The following PRKN variants were observed in gnomAD, a reference collection of about 807,000 sequenced individuals.
PRKN encodes parkin RBR E3 ubiquitin protein ligase, also known as E3 ubiquitin-protein ligase parkin.
PRKN carries 56 observed loss-of-function variants against 59.5 expected under a neutral mutation model. The ratio of observed to expected loss-of-function variants is 0.94; its 90% CI spans 0.76 to 1.18. PRKN has a LOEUF of 1.18. PRKN is among the 50% of genes most tolerant of loss of function. PRKN has a pLI of 0.00. For missense variants in PRKN, 657 were observed against 596.4 expected, an observed-to-expected ratio of 1.10 and a Z score of -1.06; for synonymous variants, 250 against 222.1, an observed-to-expected ratio of 1.13 and a Z score of -1.12.
At chr6:162,121,116 CA>C (rs1384061144) in intron 4 of PRKN, among the ~76,000 whole-genome samples, 2 of 152,158 alleles carry the variant, frequency 1.3e-5, no homozygotes, top group Non-Finnish European at 2.9e-5. Flanking sequence ...ATAGCACCTG[CA>C]CTTTTCTCTG....
At chr6:162,547,485 T>A (rs761269803) in intron 1 of PRKN, among the ~76,000 whole-genome samples, 1 of 152,198 alleles carries the variant, frequency 6.6e-6, no homozygotes, top group Non-Finnish European at 1.5e-5. Flanking sequence ...AACCCGTCGA[T>A]TGAAGTAGGC....
At chr6:161,863,478 T>G (rs545818998) in intron 6 of PRKN, among the ~76,000 whole-genome samples, 2 of 152,332 alleles carry the variant, frequency 1.3e-5, no homozygotes, top group African/African-American at 4.8e-5. Flanking sequence ...CTTATTCCTG[T>G]GTGTGTACTG....
intron 3 of PRKN, among the ~76,000 whole-genome samples, chr6:162,211,418 T>C (rs1785192325): frequency 6.6e-6 from 1 of 152,204 alleles, no homozygotes; most frequent in South Asian, 2.1e-4. Context: ...AAATTGAATG[T>C]TATCCCAAGA....
intron 9 of PRKN, among the ~76,000 whole-genome samples, chr6:161,432,700 T>G (rs1286235101): frequency 6.6e-6 from 1 of 151,972 alleles, no homozygotes; most frequent in Non-Finnish European, 1.5e-5. Context: ...TAGCTATTGG[T>G]GTGAAGACTG....
rs138130394 is a variant in PRKN at position 162,420,472 on chromosome 6, C to T, written c.171+22838G>A. Among the ~76,000 whole-genome samples, 307 of 152,212 alleles carry T rather than the reference C, an allele frequency of 2.0e-3. 1 individual carries two copies. The highest frequency in any genetic ancestry group is 7.1e-3 in the African/African-American group (294 of 41,522). On this transcript the variant is annotated intron_variant, in intron 2 of 11. Coordinates refer to ENST00000366898, the MANE Select transcript of PRKN (RefSeq NM_004562.3). Reference sequence around the variant, plus strand: ...TGCATAACAGTGCCCTGGAGAGCTGCTAACAGTGCAGATTGCCTGCATCCA... The same window carrying T: ...TGCATAACAGTGCCCTGGAGAGCTGTTAACAGTGCAGATTGCCTGCATCCA...
At chr6:162,179,695 C>A (rs1783703868) in intron 4 of PRKN, among the ~76,000 whole-genome samples, 1 of 152,078 alleles carries the variant, frequency 6.6e-6, no homozygotes, top group Non-Finnish European at 1.5e-5. Context: ...CAACAACAAC[C>A]AAGAAAAGAA....
At chr6:162,049,864 C>T (rs2023048) in intron 5 of PRKN, among the ~76,000 whole-genome samples, 130,815 of 152,148 alleles carry the variant, frequency 0.86, 56,310 homozygotes, top group Admixed American at 0.9. Flanking sequence ...ACTGGTGGTA[C>T]GAATCGGACG....
rs564228284 is a variant in PRKN, at chr6:162,599,513, A to G, written c.7+128149T>C. ...AACAGAAAAAATAACAACAACAACA[A>G]CAACAACAAAAAGCAGTCTCAACCA... On this transcript the variant is annotated intron_variant, in intron 1 of 11. Transcript: ENST00000366898. Among the ~76,000 whole-genome samples, 301 of 152,218 alleles carry G rather than the reference A, an allele frequency of 2.0e-3. 1 individual carries two copies. Among genetic ancestry groups the G allele is most frequent in the Non-Finnish European group, 3.2e-3 (216 of 68,012 alleles).
intron 4 of PRKN, among the ~76,000 whole-genome samples, chr6:162,117,638 C>T (rs1178541089): frequency 1.3e-5 from 2 of 152,182 alleles, no homozygotes; most frequent in Non-Finnish European, 2.9e-5. Flanking sequence ...CTTGATTCAT[C>T]CACACTAATG....
intron 9 of PRKN, among the ~76,000 whole-genome samples, chr6:161,404,892 AT>A (rs1787193049): frequency 6.6e-6 from 1 of 152,212 alleles, no homozygotes. Context: ...TAAAAACAGA[AT>A]GCGAAGCCGT....
rs1002580755 is a variant in PRKN at position 161,440,591 on chromosome 6, G to T, written c.1084-53714C>A. 1.3e-5 allele frequency among the ~76,000 whole-genome samples: 2 copies of T among 152,182 alleles called. No individual in the cohort carries two copies. Among genetic ancestry groups the T allele is most frequent in the African/African-American group, 4.8e-5 (2 of 41,460 alleles). On this transcript the variant is annotated intron_variant, in intron 9 of 11. Coordinates refer to ENST00000366898, the MANE Select transcript of PRKN (RefSeq NM_004562.3). This position sits in a 1 kb window ranked among gnomAD's most constrained non-coding sequence, Gnocchi z 4.1. ...AGGGGTCTGGGAGTTGCTGGAAATG[G>T]ATAAGAAAATCCTAGTTCTACCTCG...
intron 1 of PRKN, among the ~76,000 whole-genome samples, chr6:162,713,139 ATCAG>A (rs1255783947): frequency 1.3e-5 from 2 of 152,240 alleles, no homozygotes; most frequent in African/African-American, 4.8e-5. Flanking sequence ...AGTAGAATCA[ATCAG>A]TCAAATAAAC....
At chr6:162,498,193 C>T (rs1339572303) in intron 1 of PRKN, among the ~76,000 whole-genome samples, 1 of 152,016 alleles carries the variant, frequency 6.6e-6, no homozygotes, top group Non-Finnish European at 1.5e-5. Flanking sequence ...TTGCTACTTA[C>T]TTGACTCTAC....
intron 1 of PRKN, among the ~76,000 whole-genome samples, chr6:162,511,953 G>A (rs1777639966): frequency 6.6e-6 from 1 of 152,104 alleles, no homozygotes; most frequent in East Asian, 1.9e-4. Context: ...CAACTCACAT[G>A]GAGTTGTATA....
rs187544512 is a variant in PRKN, at chr6:161,514,493, C to T, written c.1083+34361G>A. Among the ~76,000 whole-genome samples, 287 of 152,072 alleles carry T rather than the reference C, an allele frequency of 1.9e-3. 1 individual carries two copies. Among genetic ancestry groups the T allele is most frequent in the African/African-American group, 6.8e-3 (280 of 41,478 alleles). Reference sequence around the variant, plus strand: ...GCAAGGTTTTAAAACAGAATAAAACCAAGGCCAGCTATTTTGAGGATGAGC... The same window carrying T: ...GCAAGGTTTTAAAACAGAATAAAACTAAGGCCAGCTATTTTGAGGATGAGC... On this transcript the variant is annotated intron_variant, in intron 9 of 11. Coordinates refer to ENST00000366898, the MANE Select transcript of PRKN (RefSeq NM_004562.3).
intron 7 of PRKN, among the ~76,000 whole-genome samples, chr6:161,716,781 AGGTGAAGT>A (rs1787001411): frequency 6.6e-6 from 1 of 152,158 alleles, no homozygotes; most frequent in South Asian, 2.1e-4. Context: ...GCAGCGTGGG[AGGTGAAGT>A]GGCCCCCAAG....
intron 1 of PRKN, among the ~76,000 whole-genome samples, chr6:162,634,804 AG>A (rs1280418244): frequency 1.3e-5 from 2 of 152,102 alleles, no homozygotes; most frequent in African/African-American, 4.8e-5. Context: ...TTCTATTTTT[AG>A]TAGAGACGGG....
chr6:162,304,827 A>T (rs2128115420), intron 2 of PRKN, among the ~76,000 whole-genome samples: 1 of 149,272 alleles, frequency 6.7e-6, no homozygotes, highest in Admixed American at 6.7e-5. Flanking sequence ...CTGCTGCCAG[A>T]TGTGAGTGCC....
intron 6 of PRKN, among the ~76,000 whole-genome samples, chr6:161,849,538 C>A (rs1283120454): frequency 2.6e-5 from 4 of 152,134 alleles, no homozygotes. Context: ...GCCCTGCCCC[C>A]ACCTTCCTCA....
Sources: gnomAD v4.1 joint callset for allele counts (sites outside exome capture counted in the v4.1 genomes callset) on GRCh38, gnomAD v4.1.1 for gene constraint, Gnocchi (gnomAD v3.1) non-coding constraint, MANE v1.5 for transcripts, NCBI Gene and HGNC (gene_info 2026-07-23, HGNC 2026-07-21) for gene names.